BRD10: variants seen among roughly 807,000 people sequenced by gnomAD.
BRD10 encodes the protein bromodomain containing 10, also known as uncharacterized bromodomain-containing protein 10.
At chr9:5,956,318 G>A in the BRD10 span, among the ~76,000 whole-genome samples, 97,651 of 151,870 alleles carry the variant, frequency 0.64, 33,054 homozygotes, top group Non-Finnish European at 0.78. Context: ...AGTTCACCAC[G>A]TCATTAGGAT....
At chr9:5,957,133 C>A in the BRD10 span, among the ~76,000 whole-genome samples, 2 of 152,056 alleles carry the variant, frequency 1.3e-5, no homozygotes, top group East Asian at 1.9e-4. Flanking sequence ...TTATTGAGAA[C>A]CTGCTGTGTG....
chr9:5,974,618 G>C, the BRD10 span, among the ~76,000 whole-genome samples: 1 of 152,142 alleles, frequency 6.6e-6, no homozygotes, highest in Non-Finnish European at 1.5e-5. Flanking sequence ...CAAGAGTCCA[G>C]AGAGACCAAG....
chr9:5,955,015 G>A, the BRD10 span, among the ~76,000 whole-genome samples: 1 of 152,062 alleles, frequency 6.6e-6, no homozygotes, highest in Non-Finnish European at 1.5e-5. Context: ...GTGAACCTGG[G>A]AGGTGGAGGT....
At chr9:5,894,936 C>T in the BRD10 span, among the ~76,000 whole-genome samples, 658 of 152,272 alleles carry the variant, frequency 4.3e-3, 22 homozygotes, top group Admixed American at 0.036. The surrounding 1 kb of genome is among the most constrained non-coding windows in gnomAD (Gnocchi z 4.0). Context: ...GTGAAGGAAC[C>T]CCTTGACTGA....
the BRD10 span, among the ~76,000 whole-genome samples, chr9:5,971,131 A>G: frequency 6.6e-6 from 1 of 152,002 alleles, no homozygotes; most frequent in Non-Finnish European, 1.5e-5. Flanking sequence ...TGTGAACAAC[A>G]AAATGAACAA....
At chr9:5,921,025 T>C in the BRD10 span, 1 of 1,613,958 alleles carries the variant, frequency 6.2e-7, no homozygotes, top group Non-Finnish European at 8.5e-7. Flanking sequence ...ATAAATTTGC[T>C]CCGGTAACTG....
chr9:5,939,296 CATT>C, the BRD10 span, among the ~76,000 whole-genome samples: 2 of 152,098 alleles, frequency 1.3e-5, no homozygotes, highest in African/African-American at 4.8e-5. Context: ...AGTTTTATAA[CATT>C]ATTTTATAAC....
the BRD10 span, among the ~76,000 whole-genome samples, chr9:5,976,514 A>G: frequency 6.6e-6 from 1 of 152,170 alleles, no homozygotes; most frequent in African/African-American, 2.4e-5. Context: ...ATTTTGGTTA[A>G]TCTTGTCATA....
chr9:5,948,879 G>C, the BRD10 span, among the ~76,000 whole-genome samples: 4 of 152,076 alleles, frequency 2.6e-5, no homozygotes, highest in Non-Finnish European at 4.4e-5. Context: ...AATGGCATCT[G>C]CTAAAACTAT....
the BRD10 span, among the ~76,000 whole-genome samples, chr9:5,903,482 A>G: frequency 3.3e-5 from 5 of 152,052 alleles, no homozygotes; most frequent in Non-Finnish European, 7.4e-5. Context: ...TTTTCTTGTA[A>G]TATCTTTGTT....
chr9:5,959,310 T>G, the BRD10 span, among the ~76,000 whole-genome samples: 837 of 152,278 alleles, frequency 5.5e-3, 10 homozygotes, highest in African/African-American at 0.017. Context: ...TCTTGCAAGA[T>G]CCTTTCTCCT....
the BRD10 span, chr9:5,968,219 C>T: frequency 6.2e-7 from 1 of 1,612,672 alleles, no homozygotes; most frequent in Non-Finnish European, 8.5e-7. Flanking sequence ...TTTCTTGTGG[C>T]TCTGTAGTGA....
the BRD10 span, among the ~76,000 whole-genome samples, chr9:5,904,440 C>G: frequency 6.6e-6 from 1 of 151,980 alleles, no homozygotes; most frequent in Non-Finnish European, 1.5e-5. Context: ...TTATATGATT[C>G]CATTTTCTCT....
the BRD10 span, chr9:6,007,256 T>C: frequency 6.2e-7 from 1 of 1,613,874 alleles, no homozygotes; most frequent in Non-Finnish European, 8.5e-7. Flanking sequence ...TGTTTGGAGA[T>C]CCAGTGGTCC....
the BRD10 span, among the ~76,000 whole-genome samples, chr9:5,900,929 GTT>G: frequency 7.1e-6 from 1 of 140,234 alleles, no homozygotes; most frequent in Non-Finnish European, 1.6e-5. Context: ...AGGGCACTGT[GTT>G]TTTCAATGCA....
chr9:5,976,242 C>G, the BRD10 span, among the ~76,000 whole-genome samples: 1 of 151,996 alleles, frequency 6.6e-6, no homozygotes, highest in Admixed American at 6.6e-5. Flanking sequence ...AAAAAAAAAT[C>G]AAATGATTTA....
At chr9:5,920,893 T>G in the BRD10 span, 1 of 1,613,996 alleles carries the variant, frequency 6.2e-7, no homozygotes, top group African/African-American at 1.3e-5. Context: ...CGAGACTTGA[T>G]GAGCAAAGTC....
At chr9:5,997,589 A>T in the BRD10 span, among the ~76,000 whole-genome samples, 1 of 152,198 alleles carries the variant, frequency 6.6e-6, no homozygotes, top group African/African-American at 2.4e-5. Context: ...GACATATGAT[A>T]AAGAAAAATA....
At chr9:5,969,797 C>T in the BRD10 span, among the ~76,000 whole-genome samples, 1 of 152,140 alleles carries the variant, frequency 6.6e-6, no homozygotes, top group Non-Finnish European at 1.5e-5. Flanking sequence ...CCGCCTGCCT[C>T]GGCCTCCCAA....
Sources: allele counts gnomAD v4.1 joint callset (sites outside exome capture counted in the v4.1 genomes callset), GRCh38; gene constraint gnomAD v4.1.1; non-coding constraint Gnocchi (gnomAD v3.1); transcripts MANE v1.5; gene names NCBI Gene and HGNC (gene_info 2026-07-23, HGNC 2026-07-21).